PCDHA1: variants seen among roughly 807,000 people sequenced by gnomAD.
PCDHA1 encodes protocadherin alpha 1.
PCDHA1 carries 42 observed loss-of-function variants against 61.3 expected under a neutral mutation model. The observed-to-expected ratio is 0.69, with a 90% CI of 0.54 to 0.89. The LOEUF (loss-of-function observed/expected upper bound fraction) is 0.89. PCDHA1 is among the 40% of genes least tolerant of loss of function. The pLI is 0.00. For missense variants in PCDHA1, 1,256 were observed against 1,235.3 expected (o/e 1.02, Z -0.25); for synonymous variants, 610 against 553.8 (o/e 1.10, Z -1.43).
chr5:140,962,389 G>A (rs551530521), intron 1 of PCDHA1, among the ~76,000 whole-genome samples: 3 of 152,170 alleles, frequency 2.0e-5, no homozygotes, highest in African/African-American at 4.8e-5. Context: ...TTAATATTAC[G>A]CAATCTGCCC....
intron 1 of PCDHA1, among the ~76,000 whole-genome samples, chr5:140,938,877 A>ACACACACACACACAGATG (rs2092241507): frequency 1.3e-5 from 2 of 150,854 alleles, no homozygotes; most frequent in South Asian, 4.2e-4. Context: ...TTAAGAAGCA[A>ACACACACACACACAGATG]CACACACACA....
At chr5:140,813,686 CA>C (rs1223474406) in intron 1 of PCDHA1, 1 of 152,170 alleles carries the variant, frequency 6.6e-6, no homozygotes, top group Non-Finnish European at 1.5e-5. Context: ...AGGCTACACT[CA>C]ATTTATCAAA....
At chr5:140,863,421 CGTA>C in intron 1 of PCDHA1, 3 of 689,676 alleles carry the variant, frequency 4.3e-6, no homozygotes, top group Non-Finnish European at 7.6e-6. Flanking sequence ...TGTACCGCAG[CGTA>C]GTGGGATCTG....
Position 140,882,752 on chromosome 5 carries a change from A to G in PCDHA1, c.2394+94068A>G, listed in dbSNP as rs1457424583. 4 of 1,614,130 alleles carry G rather than the reference A, an allele frequency of 2.5e-6. No individual in the cohort carries two copies. In the East Asian group the frequency reaches 8.9e-5, roughly 36 times the overall value. On this transcript the variant is annotated intron_variant, in intron 1 of 3. Coordinates refer to ENST00000504120, the MANE Select transcript of PCDHA1 (RefSeq NM_018900.4). Reference sequence around the variant, plus strand: ...ACTAGATGGCGCATCCGATGCAGATATTGGAGTAAACTCGGCATTGACCTA... The same window carrying G: ...ACTAGATGGCGCATCCGATGCAGATGTTGGAGTAAACTCGGCATTGACCTA...
In PCDHA1 at chr5:140,787,769, G is replaced by A. The variant is rs201459979; in HGVS notation, c.1479G>A (p.Ser493=). Residue 493 remains serine, a synonymous_variant, in exon 1 of 4, where the codon TCG becomes TCA. Coordinates refer to ENST00000504120, the MANE Select transcript of PCDHA1 (RefSeq NM_018900.4). The stretch of plus-strand genomic sequence containing the variant: ...AGGAGAACGCGCTGGTGTCCTATTC[G>A]CTGGTGGAACGGCGGGTGGGCGAGC... ...DAQENALVSY[S]LVERRVGERA... 1.9e-6 allele frequency: 3 copies of A among 1,613,136 alleles called. No individual in the cohort carries two copies. The highest frequency in any genetic ancestry group is 2.5e-6 in the Non-Finnish European group (3 of 1,179,832).
rs371868883 is a variant in PCDHA1 at position 140,856,649 on chromosome 5, C to A, written c.2394+67965C>A. ...GCTTGTTCTGCGGAAGCTGCTGGAT[C>A]GTGAAGAAAATCCTCAGCTAAAGTT... On this transcript the variant is annotated intron_variant, in intron 1 of 3. Transcript: ENST00000504120. 8 of 1,598,072 alleles carry A rather than the reference C, an allele frequency of 5.0e-6. 2 individuals carry two copies. The African/African-American group carries it at 6.7e-5, about 13-fold the overall frequency.
chr5:140,792,881 G>A (rs1464202970), intron 1 of PCDHA1, among the ~76,000 whole-genome samples: 3 of 152,174 alleles, frequency 2.0e-5, no homozygotes, highest in African/African-American at 7.2e-5. Context: ...TAAGCTCCAG[G>A]AGAATTTGGG....
At chr5:140,866,828 T>C (rs1260647763) in intron 1 of PCDHA1, 1 of 152,140 alleles carries the variant, frequency 6.6e-6, no homozygotes, top group East Asian at 1.9e-4. Flanking sequence ...CTTCAATTGA[T>C]TTTACAAAAT....
intron 1 of PCDHA1, chr5:140,841,717 G>A: frequency 6.2e-7 from 1 of 1,613,924 alleles, no homozygotes; most frequent in Non-Finnish European, 8.5e-7. Flanking sequence ...ACCCGCCAGT[G>A]TTCCGGGTAA....
rs545282445 is a variant in PCDHA1 at position 140,862,074 on chromosome 5, A to G, written c.2394+73390A>G. On this transcript the variant is annotated intron_variant, in intron 1 of 3. Transcript: ENST00000504120. The stretch of plus-strand genomic sequence containing the variant: ...TTTCTTTGCAACTGATGTCTCCCCT[A>G]ACATAGAAGCCCTTTTTCGCATAGA... 8.3e-5 allele frequency: 13 copies of G among 157,080 alleles called. No homozygotes were observed. The South Asian group carries it at 2.1e-3, about 26-fold the overall frequency. 9.7% of individuals were successfully genotyped at this position (157,080 alleles called of 1,614,324 possible).
intron 3 of PCDHA1, among the ~76,000 whole-genome samples, chr5:140,988,221 T>A (rs1554249982): frequency 6.6e-6 from 1 of 152,016 alleles, no homozygotes; most frequent in Non-Finnish European, 1.5e-5. Context: ...AAAAATGAGA[T>A]CAGGGATCTA....
At chr5:140,882,096 T>A in intron 1 of PCDHA1, 1 of 1,224,746 alleles carries the variant, frequency 8.2e-7, no homozygotes, top group Non-Finnish European at 1.1e-6. Flanking sequence ...ACTGAGAACG[T>A]TTCCGCGAAG....
chr5:140,809,664 G>T, intron 1 of PCDHA1: 1 of 1,474,868 alleles, frequency 6.8e-7, no homozygotes, highest in Non-Finnish European at 9.1e-7. Context: ...AATTTCCCTG[G>T]GTTAAAATTT....
At chr5:140,928,122 A>C in intron 1 of PCDHA1, 1 of 1,614,196 alleles carries the variant, frequency 6.2e-7, no homozygotes, top group Non-Finnish European at 8.5e-7. Context: ...AGATCAGTGA[A>C]TACCAAGTCC....
intron 1 of PCDHA1, chr5:140,883,651 G>T: frequency 6.2e-7 from 1 of 1,613,652 alleles, no homozygotes. Context: ...CCGAGTACAC[G>T]GTGTTCGTGA....
At chr5:140,823,326 C>A (rs2150124741) in intron 1 of PCDHA1, 3 of 1,612,172 alleles carry the variant, frequency 1.9e-6, no homozygotes, top group Admixed American at 3.3e-5. Context: ...GCAAGGTGTA[C>A]GCGCTGCAGC....
intron 1 of PCDHA1, chr5:140,883,561 C>T: frequency 1.2e-6 from 2 of 1,614,156 alleles, no homozygotes; most frequent in Non-Finnish European, 1.7e-6. Flanking sequence ...GGGACGGGGG[C>T]TCGCCTTCGC....
intron 1 of PCDHA1, among the ~76,000 whole-genome samples, chr5:140,978,370 A>T (rs78042832): frequency 6.6e-6 from 1 of 152,200 alleles, no homozygotes; most frequent in Non-Finnish European, 1.5e-5. Context: ...AAACTCTGCA[A>T]TAGTTTGTTT....
At chr5:140,882,667 C>A in intron 1 of PCDHA1, 1 of 1,614,160 alleles carries the variant, frequency 6.2e-7, no homozygotes, top group Middle Eastern at 1.6e-4. Flanking sequence ...CGCCCATATT[C>A]CCTGAAAGCA....
Sources: gnomAD v4.1 joint callset for allele counts (sites outside exome capture counted in the v4.1 genomes callset) on GRCh38, gnomAD v4.1.1 for gene constraint, MANE v1.5 for transcripts, NCBI Gene and HGNC (gene_info 2026-07-23, HGNC 2026-07-21) for gene names.